Variants in KCNE3 observed in about 807,000 individuals in gnomAD.
The protein encoded by KCNE3 is potassium voltage-gated channel subfamily E regulatory subunit 3, also known as potassium voltage-gated channel subfamily E member 3.
A neutral mutation model predicts 4.3 loss-of-function variants in KCNE3; 2 were observed. That is an observed-to-expected ratio of 0.47 (90% CI 0.19 to 1.48). The LOEUF (loss-of-function observed/expected upper bound fraction) is 1.48. KCNE3 is among the 40% of genes most tolerant of loss of function. The pLI is 0.25. For synonymous variants in KCNE3, 47 were observed against 52.0 expected (o/e 0.90, Z 0.41); for missense variants, 128 against 136.8 (o/e 0.94, Z 0.32).
At chr11:74,465,751 T>G (rs1198310975) in intron 1 of KCNE3, among the ~76,000 whole-genome samples, 2 of 152,152 alleles carry the variant, frequency 1.3e-5, no homozygotes, top group Non-Finnish European at 2.9e-5. Context: ...GGGATAATGA[T>G]CCCTGCCCTG....
intron 2 of KCNE3, among the ~76,000 whole-genome samples, chr11:74,459,438 A>G (rs941292081): frequency 5.3e-5 from 8 of 151,470 alleles, no homozygotes; most frequent in African/African-American, 1.9e-4. Flanking sequence ...ATTTTTTTGT[A>G]TTTTTAGTAG....
chr11:74,457,712 G>C, intron 2 of KCNE3, 109 bp from the exon 3 acceptor site: 1 of 752,256 alleles, frequency 1.3e-6, no homozygotes, highest in South Asian at 1.5e-5. Context: ...GATATGGTTT[G>C]GCTGTGTCCC....
chr11:74,462,638 T>C (rs888745144), intron 1 of KCNE3: 1 of 152,182 alleles, frequency 6.6e-6, no homozygotes, highest in African/African-American at 2.4e-5. Context: ...GTTGTGAAAA[T>C]TAAAGAACAT....
chr11:74,457,745 A>G, intron 2 of KCNE3, 142 bp from the exon 3 acceptor site: 1 of 661,198 alleles, frequency 1.5e-6, no homozygotes, highest in Non-Finnish European at 2.8e-6. Context: ...ATCTGGAATC[A>G]TAGCTCCCAT....
intron 2 of KCNE3, among the ~76,000 whole-genome samples, chr11:74,460,676 T>C (rs968618296): frequency 6.6e-6 from 1 of 151,964 alleles, no homozygotes; most frequent in Non-Finnish European, 1.5e-5. Context: ...GGAAGAATAG[T>C]GTAGGATGTG....
intron 1 of KCNE3, among the ~76,000 whole-genome samples, chr11:74,463,853 C>A (rs1345567488): frequency 6.6e-6 from 1 of 152,276 alleles, no homozygotes; most frequent in Non-Finnish European, 1.5e-5. Flanking sequence ...TTCCTCACAC[C>A]TAAGCTTCAC....
In KCNE3 at chr11:74,467,079, T is replaced by G. The variant is rs1420149815; in HGVS notation, c.-190+319A>C. Among the ~76,000 whole-genome samples the G allele has an allele frequency of 6.6e-6, 1 of 152,176 alleles. No homozygotes were observed. The highest frequency in any genetic ancestry group is 2.4e-5 in the African/African-American group (1 of 41,454). On this transcript the variant is annotated intron_variant, in intron 1 of 2. Transcript: ENST00000310128. The surrounding 1 kb of genome is among the most constrained non-coding windows in gnomAD (Gnocchi z 4.4). ...CCAGCTGCAAGTGTTCGCTTGCACG[T>G]CTGTGGGTGTGGAGGAACTTTTCTT...
chr11:74,462,504 A>G (rs1863976302), intron 1 of KCNE3: 1 of 152,222 alleles, frequency 6.6e-6, no homozygotes. Context: ...TGAGTGGGAG[A>G]ATGCCAACTG....
chr11:74,457,031 G>A lies in KCNE3; in HGVS notation c.*221C>T. 1.7e-6 allele frequency: 1 copy of A among 597,278 alleles called. No individual in the cohort carries two copies. The highest frequency in any genetic ancestry group is 2.8e-5 in the East Asian group (1 of 35,610). 37.0% of individuals were successfully genotyped at this position (597,278 alleles called of 1,614,324 possible). On this transcript the variant is annotated 3_prime_UTR_variant, in exon 3 of 3. Coordinates refer to ENST00000310128, the MANE Select transcript of KCNE3 (RefSeq NM_005472.5). ...ATATGTTTGTTCATGGGCTCCCACT[G>A]TTTATAAAGTCTATCTTTTCCTGGG...
chr11:74,457,142 G>T lies in KCNE3; in HGVS notation c.*110C>A. ...ACCTCCCTTAACCGTGTTTCTTGTT[G>T]ATCTTACAGATAGGGACACTGAGAC... On this transcript the variant is annotated 3_prime_UTR_variant, in exon 3 of 3. Transcript: ENST00000310128. The T allele has an allele frequency of 9.3e-7, 1 of 1,077,760 alleles. No individual in the cohort carries two copies. The highest frequency in any genetic ancestry group is 1.4e-6 in the Non-Finnish European group (1 of 716,894). The allele number at this position is 1,077,760 out of a possible 1,614,324, so 66.8% of individuals were successfully genotyped here.
At chr11:74,462,751 A>G (rs556851563) in intron 1 of KCNE3, 1 of 152,366 alleles carries the variant, frequency 6.6e-6, no homozygotes, top group South Asian at 2.1e-4. Flanking sequence ...CCCTCACTTT[A>G]CGGTGAAGGA....
In KCNE3 at chr11:74,467,195, G is replaced by A. The variant is rs1203400901; in HGVS notation, c.-190+203C>T. Among the ~76,000 whole-genome samples, 1 of 152,072 alleles carries A rather than the reference G, an allele frequency of 6.6e-6. No individual in the cohort carries two copies. The highest frequency in any genetic ancestry group is 1.5e-5 in the Non-Finnish European group (1 of 68,034). On this transcript the variant is annotated intron_variant, in intron 1 of 2. Coordinates refer to ENST00000310128, the MANE Select transcript of KCNE3 (RefSeq NM_005472.5). The surrounding 1 kb of genome is among the most constrained non-coding windows in gnomAD (Gnocchi z 4.4). Reference sequence around the variant, plus strand: ...GCCCAGCTCCCTACTCCCACATGCTGCTCCACGATCACTGCGCTCGGGAGG... The same window carrying A: ...GCCCAGCTCCCTACTCCCACATGCTACTCCACGATCACTGCGCTCGGGAGG...
rs145794678 is a variant in KCNE3, at chr11:74,460,143, T to C, written c.-41+1812A>G. On this transcript the variant is annotated intron_variant, in intron 2 of 2. Coordinates refer to ENST00000310128, the MANE Select transcript of KCNE3 (RefSeq NM_005472.5). ...TGGGCAGCATTTCATGCAAGGCCTT[T>C]GGGGCCTTCTGACATCTAGTACTTG... 2.8e-3 allele frequency among the ~76,000 whole-genome samples: 430 copies of C among 152,296 alleles called. 2 individuals carry two copies. Among genetic ancestry groups the C allele is most frequent in the Middle Eastern group, 0.01 (3 of 294 alleles).
rs41312985 is a variant in KCNE3, at chr11:74,462,032, C to T, written c.-118G>A. 3 of 152,224 alleles carry T rather than the reference C, an allele frequency of 2.0e-5. No individual in the cohort carries two copies. The highest frequency in any genetic ancestry group is 1.9e-4 in the East Asian group (1 of 5,196). 9.4% of individuals were successfully genotyped at this position (152,224 alleles called of 1,614,324 possible). Reference sequence around the variant, plus strand: ...GGACACACTAAGGCTCCTCCACCCCCGAGCCTCTTCAGGATGTCTCTGGAC... The same window carrying T: ...GGACACACTAAGGCTCCTCCACCCCTGAGCCTCTTCAGGATGTCTCTGGAC... On this transcript the variant is annotated 5_prime_UTR_variant, in exon 2 of 3. Transcript: ENST00000310128.
In KCNE3 at chr11:74,459,311, C is replaced by G. The variant is rs111693929; in HGVS notation, c.-40-1708G>C. 9.2e-4 allele frequency among the ~76,000 whole-genome samples: 122 copies of G among 133,118 alleles called. 1 individual carries two copies. Among genetic ancestry groups the G allele is most frequent in the Middle Eastern group, 5.6e-3 (1 of 180 alleles). 87.3% of individuals were successfully genotyped at this position (133,118 alleles called of 152,430 possible). A position where few individuals can be genotyped will look rare whatever the true frequency, so the allele number is the denominator to read the frequency against. Reference sequence around the variant, plus strand: ...GAGTCTCACTCTGTCGCCCAGGCTGCAGTGCAGTGGCGCAATCTCGGCTCA... The same window carrying G: ...GAGTCTCACTCTGTCGCCCAGGCTGGAGTGCAGTGGCGCAATCTCGGCTCA... On this transcript the variant is annotated intron_variant, in intron 2 of 2. Coordinates refer to ENST00000310128, the MANE Select transcript of KCNE3 (RefSeq NM_005472.5).
intron 1 of KCNE3, among the ~76,000 whole-genome samples, chr11:74,466,525 T>C (rs190249239): frequency 6.6e-6 from 1 of 152,296 alleles, no homozygotes. Flanking sequence ...CTGAGGAAAC[T>C]TGGGTTCTAA....
chr11:74,455,112 T>A lies in KCNE3; in HGVS notation c.*2140A>T, dbSNP rs558085409. 1 of 152,360 alleles carries A rather than the reference T, an allele frequency of 6.6e-6. No homozygotes were observed. The highest frequency in any genetic ancestry group is 2.1e-4 in the South Asian group (1 of 4,822). 9.4% of individuals were successfully genotyped at this position (152,360 alleles called of 1,614,324 possible). ...TATTTTTATTTTTTCAAAATAGAAG[T>A]ACCTTTTTTCCTTTTATTATACAAG... On this transcript the variant is annotated 3_prime_UTR_variant, in exon 3 of 3. Coordinates refer to ENST00000310128, the MANE Select transcript of KCNE3 (RefSeq NM_005472.5).
Position 74,462,032 on chromosome 11 carries a change from C to G in KCNE3, c.-118G>C, listed in dbSNP as rs41312985. The G allele has an allele frequency of 6.6e-6, 1 of 152,224 alleles. No individual in the cohort carries two copies. Among genetic ancestry groups the G allele is most frequent in the Admixed American group, 6.5e-5 (1 of 15,290 alleles). The allele number at this position is 152,224 out of a possible 1,614,324, so 9.4% of individuals were successfully genotyped here. A position where few individuals can be genotyped will look rare whatever the true frequency, so the allele number is the denominator to read the frequency against. On this transcript the variant is annotated 5_prime_UTR_variant, in exon 2 of 3. Transcript: ENST00000310128. ...GGACACACTAAGGCTCCTCCACCCC[C>G]GAGCCTCTTCAGGATGTCTCTGGAC...
chr11:74,460,597 G>C (rs932091266), intron 2 of KCNE3, among the ~76,000 whole-genome samples: 2 of 152,216 alleles, frequency 1.3e-5, no homozygotes, highest in Non-Finnish European at 2.9e-5. Flanking sequence ...AGCAAAGGCA[G>C]AACAAGAAAG....
Sources: allele counts gnomAD v4.1 joint callset (sites outside exome capture counted in the v4.1 genomes callset), GRCh38; gene constraint gnomAD v4.1.1; non-coding constraint Gnocchi (gnomAD v3.1); transcripts MANE v1.5; gene names NCBI Gene and HGNC (gene_info 2026-07-23, HGNC 2026-07-21).